The following ITGB2 variants were observed in gnomAD, a reference collection of about 807,000 sequenced individuals.
The protein encoded by ITGB2 is integrin beta-2.
In ITGB2, 56 loss-of-function variants were observed where a neutral mutation model predicts 86.8. That is an observed-to-expected ratio of 0.65 (90% confidence interval 0.52 to 0.81). ITGB2 has a LOEUF of 0.81. ITGB2 is among the 30% of genes least tolerant of loss of function. ITGB2 has a pLI of 0.00. For synonymous variants in ITGB2, 457 were observed against 450.4 expected, an observed-to-expected ratio of 1.01 and a Z score of -0.19; for missense variants, 948 against 1,061.2, an observed-to-expected ratio of 0.89 and a Z score of 1.48.
rs760991347 is a variant in ITGB2 at position 44,886,763 on chromosome 21, C to T, written c.2220G>A (p.Lys740=). 1.2e-6 allele frequency: 2 copies of T among 1,614,084 alleles called. No homozygotes were observed. The highest frequency in any genetic ancestry group is 1.7e-6 in the Non-Finnish European group (2 of 1,180,016). ...SDLREYRRFE[K]EKLKSQWNND... Reference sequence around the variant, plus strand: ...TGTTCCACTGGGACTTGAGCTTCTCCTTCTCAAAGCGCCTGTACTCCCGGA... The same window carrying T: ...TGTTCCACTGGGACTTGAGCTTCTCTTTCTCAAAGCGCCTGTACTCCCGGA... Residue 740 remains lysine, a synonymous_variant, in exon 15 of 16, where the codon AAG becomes AAA. Transcript: ENST00000652462.
chr21:44,905,111 C>T (rs1190972237), intron 4 of ITGB2, among the ~76,000 whole-genome samples: 1 of 152,204 alleles, frequency 6.6e-6, no homozygotes, highest in Non-Finnish European at 1.5e-5. Context: ...AGGGCACAGA[C>T]ATAGGCCTTT....
chr21:44,915,871 G>C (rs1222975093), intron 1 of ITGB2, among the ~76,000 whole-genome samples: 2 of 152,186 alleles, frequency 1.3e-5, no homozygotes, highest in African/African-American at 4.8e-5. Flanking sequence ...TCAGGGAGAC[G>C]TGTTCCTACT....
Position 44,899,088 on chromosome 21 carries a change from A to G in ITGB2, c.972T>C (p.Ser324=). The stretch of plus-strand genomic sequence containing the variant: ...TCACCTCGTAGGTCTTCACCATCCT[A>G]CTGGTCACCGCGAAGATGGGCTGGA... The part of the protein sequence containing the change: ...NNIQPIFAVT[S]RMVKTYEKLT... Residue 324 remains serine, a synonymous_variant, in exon 8 of 16, where the codon AGT becomes AGC. Coordinates refer to ENST00000652462, the MANE Select transcript of ITGB2 (RefSeq NM_000211.5). 1.2e-6 allele frequency: 2 copies of G among 1,613,916 alleles called. No homozygotes were observed. The highest frequency in any genetic ancestry group is 1.7e-6 in the Non-Finnish European group (2 of 1,179,828).
At chr21:44,900,976 G>A (rs1441630751) in intron 6 of ITGB2, among the ~76,000 whole-genome samples, 1 of 152,244 alleles carries the variant, frequency 6.6e-6, no homozygotes, top group African/African-American at 2.4e-5. Context: ...GGACTGCAGG[G>A]AAGCAGGAGA....
Position 44,886,798 on chromosome 21 carries a change from G to A in ITGB2, c.2185C>T (p.Leu729=). ...LLVIWKALIH[L]SDLREYRRFE... ...CGCCTGTACTCCCGGAGGTCGCTCA[G>A]GTGGATCAGAGCCTTCCAGATGACC... is the stretch of plus-strand genomic sequence containing the variant. The change falls in exon 15 of 16, where the codon CTG becomes TTG. Residue 729 remains leucine, a synonymous_variant. Coordinates refer to ENST00000652462, the MANE Select transcript of ITGB2 (RefSeq NM_000211.5). 6 of 1,614,004 alleles carry A rather than the reference G, an allele frequency of 3.7e-6. No homozygotes were observed. The highest frequency in any genetic ancestry group is 5.1e-6 in the Non-Finnish European group (6 of 1,180,012).
chr21:44,917,343 G>A (rs2084226766), intron 1 of ITGB2, among the ~76,000 whole-genome samples: 1 of 152,162 alleles, frequency 6.6e-6, no homozygotes, highest in Non-Finnish European at 1.5e-5. Flanking sequence ...AAAATATTCT[G>A]CATTTCTCTG....
rs1372791013 is a variant in ITGB2 at position 44,894,995 on chromosome 21, G to A, written c.1059C>T (p.Val353=). 5 of 1,611,972 alleles carry A rather than the reference G, an allele frequency of 3.1e-6. No individual in the cohort carries two copies. The highest frequency in any genetic ancestry group is 4.2e-6 in the Non-Finnish European group (5 of 1,178,338). The change falls in exon 9 of 16, where the codon GTC becomes GTT. Residue 353 remains valine (V), a synonymous_variant. Coordinates refer to ENST00000652462, the MANE Select transcript of ITGB2 (RefSeq NM_000211.5). ...CATTGTAAGCATTCTTAATGAGATGGACCACATTGCTGGAGTCCTCAGACA... is the reference window on the plus strand; with the variant it reads ...CATTGTAAGCATTCTTAATGAGATGAACCACATTGCTGGAGTCCTCAGACA... ...GELSEDSSNV[V]HLIKNAYNKL...
rs774383684 is a variant in ITGB2, at chr21:44,889,322, G to C, written c.1831C>G (p.Leu611Val). ...CECHSGYQLP[L>V]CQECPGCPSP... Reference sequence around the variant, plus strand: ...GGGCAGCCGGGGCACTCCTGGCACAGAGGCAGCTGGTAGCCTGAATGGCAC... The same window carrying C: ...GGGCAGCCGGGGCACTCCTGGCACACAGGCAGCTGGTAGCCTGAATGGCAC... The change falls in exon 13 of 16, where the codon CTG becomes GTG. Residue 611 changes from leucine (L) to valine (V), a missense_variant. Physicochemically the swap from Leu to Val is conservative, Grantham distance 32. Coordinates refer to ENST00000652462, the MANE Select transcript of ITGB2 (RefSeq NM_000211.5). 7.4e-6 allele frequency: 12 copies of C among 1,612,916 alleles called. No homozygotes were observed. The highest frequency in any genetic ancestry group is 3.3e-4 in the Middle Eastern group (2 of 6,062).
intron 9 of ITGB2, chr21:44,894,515 A>C: frequency 3.9e-6 from 1 of 255,810 alleles, no homozygotes; most frequent in Non-Finnish European, 7.8e-6. Context: ...ACCAGGGAGA[A>C]ATTCAGGGGT....
intron 15 of ITGB2, 65 bp downstream of exon 15, chr21:44,886,671 A>C (rs1309336735): frequency 1.3e-6 from 2 of 1,599,704 alleles, no homozygotes; most frequent in Non-Finnish European, 1.7e-6. Context: ...CTCCCGCAGC[A>C]GGAGGTCGCA....
At chr21:44,887,525 C>T (rs1601278699) in intron 14 of ITGB2, among the ~76,000 whole-genome samples, 1 of 152,204 alleles carries the variant, frequency 6.6e-6, no homozygotes, top group East Asian at 1.9e-4. Flanking sequence ...CTGTACCCCT[C>T]CTGCCATCCT....
In ITGB2 at chr21:44,886,185, G is replaced by C. The variant is rs2083695106; in HGVS notation, c.*183C>G. On this transcript the variant is annotated 3_prime_UTR_variant, in exon 16 of 16. Transcript: ENST00000652462. ...TGCAAAGACTGTGCCAGTCAGAGTG[G>C]AGCTGTCCCCCCGACGAGCCCCCAG... 14 of 655,002 alleles carry C rather than the reference G, an allele frequency of 2.1e-5. No homozygotes were observed. The highest frequency in any genetic ancestry group is 3.9e-5 in the Non-Finnish European group (14 of 359,556). The allele number at this position is 655,002 out of a possible 1,614,324, so 40.6% of individuals were successfully genotyped here.
At position 44,893,513 on chromosome 21, in the gene ITGB2, T is replaced by A. The variant is rs1394138374; in HGVS notation, c.1115A>T (p.Asn372Ile). The A allele has an allele frequency of 1.2e-6, 2 of 1,613,702 alleles. No homozygotes were observed. The highest frequency in any genetic ancestry group is 1.7e-6 in the Non-Finnish European group (2 of 1,179,882). Residue 372 changes from asparagine (N) to isoleucine (I), a missense_variant, in exon 10 of 16, where the codon AAC becomes ATC. By Grantham distance (149) the Asn-to-Ile change is moderately radical. Coordinates refer to ENST00000652462, the MANE Select transcript of ITGB2 (RefSeq NM_000211.5). ...GACTTTCAGGGTGTCGGGGAGGGCG[T>A]TGTGATCCAGGAAGACCCTGGAGGA... is the stretch of plus-strand genomic sequence containing the variant. ...KLSSRVFLDH[N>I]ALPDTLKVTY...
upstream of ITGB2, among the ~76,000 whole-genome samples, chr21:44,924,908 C>A (rs530283831): frequency 1.3e-5 from 2 of 152,292 alleles, no homozygotes; most frequent in South Asian, 2.1e-4. Context: ...GACCCACACA[C>A]CCCTAGAGCA....
In ITGB2 at chr21:44,886,850, G is replaced by T; in HGVS notation, c.2133C>A (p.Gly711=). 1 of 1,613,654 alleles carries T rather than the reference G, an allele frequency of 6.2e-7. No homozygotes were observed. Among genetic ancestry groups the T allele is most frequent in the Non-Finnish European group, 8.5e-7 (1 of 1,180,034 alleles). The part of the protein sequence containing the change: ...IAAIVGGTVA[G]IVLIGILLLV... ...GCAGGAGAATGCCGATCAGCACGAT[G>T]CCTGCCACGGTGCCCCCGACGATGG... Residue 711 remains glycine (G), a synonymous_variant, in exon 15 of 16, where the codon GGC becomes GGA. Transcript: ENST00000652462.
At chr21:44,910,544 A>G in intron 2 of ITGB2, 172 bp from the exon 3 acceptor site, 2 of 1,443,914 alleles carry the variant, frequency 1.4e-6, no homozygotes, top group Non-Finnish European at 1.9e-6. Flanking sequence ...CTCGGGAAAC[A>G]GCACAGCTAC....
intron 4 of ITGB2, among the ~76,000 whole-genome samples, chr21:44,906,123 C>T (rs1176045165): frequency 2.6e-5 from 4 of 151,878 alleles, no homozygotes; most frequent in African/African-American, 4.8e-5. Context: ...GAGGGAGCTT[C>T]GTTTCTTCCC....
chr21:44,922,581 G>A (rs1216823601), upstream of ITGB2, among the ~76,000 whole-genome samples: 1 of 151,100 alleles, frequency 6.6e-6, no homozygotes, highest in Non-Finnish European at 1.5e-5. Flanking sequence ...GCTGAGGTGG[G>A]AGAATTGCTT....
chr21:44,910,175 C>T (rs563101941), intron 3 of ITGB2, 109 bp downstream of exon 3: 1 of 1,448,982 alleles, frequency 6.9e-7, no homozygotes, highest in East Asian at 2.5e-5. Context: ...GGGACCCCCT[C>T]AAAAAGAAAA....
Sources: allele counts gnomAD v4.1 joint callset (sites outside exome capture counted in the v4.1 genomes callset), GRCh38; gene constraint gnomAD v4.1.1; transcripts MANE v1.5; gene names NCBI Gene and HGNC (gene_info 2026-07-23, HGNC 2026-07-21).